GRAP2: variants seen among roughly 807,000 people sequenced by gnomAD.
GRAP2 encodes GRB2-related adapter protein 2.
A neutral mutation model predicts 43.5 loss-of-function variants in GRAP2; 31 were observed. The observed-to-expected ratio is 0.71, with a 90% CI of 0.54 to 0.96. The LOEUF (loss-of-function observed/expected upper bound fraction) is 0.96, where lower values mean the gene tolerates loss of function less well. Among genes scored for constraint, GRAP2 ranks in the 40% least tolerant of loss-of-function variants. GRAP2 has a pLI of 0.00. For synonymous variants in GRAP2, 156 were observed against 164.8 expected, an observed-to-expected ratio of 0.95 and a Z score of 0.41; for missense variants, 371 against 424.4, an observed-to-expected ratio of 0.87 and a Z score of 1.11.
intron 1 of GRAP2, among the ~76,000 whole-genome samples, chr22:39,905,091 A>G (rs2066514467): frequency 6.6e-6 from 1 of 152,030 alleles, no homozygotes; most frequent in Non-Finnish European, 1.5e-5. Flanking sequence ...TGCTCAGAGG[A>G]TCTCTTGTTG....
At chr22:39,964,522 A>T in intron 4 of GRAP2, 1 of 919,600 alleles carries the variant, frequency 1.1e-6, no homozygotes, top group Non-Finnish European at 1.8e-6. Flanking sequence ...GGTCGTGGGG[A>T]AGGGGCCTCT....
chr22:39,932,548 C>CA (rs137982), intron 1 of GRAP2, among the ~76,000 whole-genome samples: 3,136 of 43,378 alleles, frequency 0.072, 147 homozygotes, highest in African/African-American at 0.1. Context: ...CCTGTCTCTA[C>CA]AAAAAAAAAA....
In GRAP2 at chr22:39,947,140, T is replaced by G. The variant is rs1569207682; in HGVS notation, c.34T>G (p.Ser12Ala). 6.2e-7 allele frequency: 1 copy of G among 1,608,550 alleles called. No homozygotes were observed. Among genetic ancestry groups the G allele is most frequent in the Non-Finnish European group, 8.5e-7 (1 of 1,174,890 alleles). The change falls in exon 2 of 8, where the codon TCA becomes GCA. Residue 12 changes from serine (S) to alanine (A), a missense_variant. Physicochemically the swap from Ser to Ala is moderately conservative, Grantham distance 99. Transcript: ENST00000344138. ...TGTTGCCAAGTTTGATTTCACTGCT[T>G]CAGGTGAGGATGAACTGAGCTTTCA... Reference protein sequence around the residue: ...EAVAKFDFTASGEDELSFHTG... With the variant: ...EAVAKFDFTAAGEDELSFHTG...
At chr22:39,914,837 C>T (rs1291519785) in intron 1 of GRAP2, among the ~76,000 whole-genome samples, 1 of 152,104 alleles carries the variant, frequency 6.6e-6, no homozygotes, top group East Asian at 1.9e-4. Flanking sequence ...ATGAAATGAG[C>T]ATTTCTGCCT....
intron 1 of GRAP2, among the ~76,000 whole-genome samples, chr22:39,902,241 C>T (rs1277005349): frequency 6.6e-6 from 1 of 152,208 alleles, no homozygotes; most frequent in Non-Finnish European, 1.5e-5. Flanking sequence ...CTTCAGGTCG[C>T]AGAATCTTTT....
At chr22:39,908,469 T>C (rs1016208922) in intron 1 of GRAP2, among the ~76,000 whole-genome samples, 8 of 152,254 alleles carry the variant, frequency 5.3e-5, no homozygotes, top group African/African-American at 1.4e-4. Context: ...GGGAGTCATA[T>C]GGAAGTAAAT....
At position 39,971,025 on chromosome 22, in the gene GRAP2, C is replaced by T. The variant is rs147808667; in HGVS notation, c.934C>T (p.Arg312Cys). ...CTCCAACCCATCCTGGTGGACCGGC[C>T]GCCTGCACAACAAGCTGGGCCTCTT... The part of the protein sequence containing the change: ...DSSNPSWWTG[R>C]LHNKLGLFPA... The change falls in exon 8 of 8, where the codon CGC (arginine) becomes TGC (cysteine). Residue 312 changes from arginine (R) to cysteine (C), a missense_variant. By Grantham distance (180) the Arg-to-Cys change is radical. Transcript: ENST00000344138. The T allele has an allele frequency of 1.0e-4, 168 of 1,613,806 alleles. No homozygotes were observed. The highest frequency in any genetic ancestry group is 1.4e-4 in the South Asian group (13 of 91,042).
At chr22:39,941,488 T>C (rs2066870765) in intron 1 of GRAP2, among the ~76,000 whole-genome samples, 1 of 152,244 alleles carries the variant, frequency 6.6e-6, no homozygotes, top group Non-Finnish European at 1.5e-5. Flanking sequence ...TATAAATGTA[T>C]ATATCAGGGT....
chr22:39,955,378 A>T (rs75155677), intron 2 of GRAP2, among the ~76,000 whole-genome samples: 1 of 151,010 alleles, frequency 6.6e-6, no homozygotes, highest in African/African-American at 2.4e-5. Context: ...AAACAACAAC[A>T]AAAAAAAGAG....
chr22:39,963,634 C>A (rs1332285231), intron 4 of GRAP2, among the ~76,000 whole-genome samples: 1 of 152,106 alleles, frequency 6.6e-6, no homozygotes, highest in Non-Finnish European at 1.5e-5. Context: ...GTGGCTTCAC[C>A]CAGCTATGAG....
intron 2 of GRAP2, among the ~76,000 whole-genome samples, chr22:39,948,909 A>G (rs2066952632): frequency 6.6e-6 from 1 of 152,082 alleles, no homozygotes; most frequent in Non-Finnish European, 1.5e-5. Flanking sequence ...TGATCCTGAA[A>G]TATACACTTC....
intron 1 of GRAP2, among the ~76,000 whole-genome samples, chr22:39,922,516 C>A (rs543426108): frequency 1.5e-3 from 234 of 152,254 alleles, no homozygotes; most frequent in Non-Finnish European, 2.3e-3. Context: ...CAGCCAAGGC[C>A]AGGCTAGGAG....
the GRAP2 span, among the ~76,000 whole-genome samples, chr22:39,895,266 A>T: frequency 2.0e-5 from 3 of 152,208 alleles, no homozygotes; most frequent in East Asian, 5.8e-4. Context: ...GACAAAAGCA[A>T]CATTTGTTTC....
chr22:39,964,715 T>TAAA (rs386395435), intron 4 of GRAP2: 17,822 of 305,548 alleles, frequency 0.058, 1,290 homozygotes, highest in African/African-American at 0.24. Context: ...TAAACTTTTG[T>TAAA]AAAAAAAAAA....
intron 1 of GRAP2, among the ~76,000 whole-genome samples, chr22:39,916,959 T>C (rs890629067): frequency 6.6e-6 from 1 of 152,220 alleles, no homozygotes; most frequent in Non-Finnish European, 1.5e-5. Context: ...TATTATCTTT[T>C]AATTAAAATG....
intron 1 of GRAP2, among the ~76,000 whole-genome samples, chr22:39,907,521 G>A (rs2066531522): frequency 6.6e-6 from 1 of 152,314 alleles, no homozygotes; most frequent in South Asian, 2.1e-4. Flanking sequence ...AGGATTGCTT[G>A]AGCGCAGGAG....
chr22:39,897,668 C>A (rs750860855), upstream of GRAP2, among the ~76,000 whole-genome samples: 1 of 151,836 alleles, frequency 6.6e-6, no homozygotes, highest in African/African-American at 2.4e-5. Flanking sequence ...TACAGGCATG[C>A]GCCACCATGC....
chr22:39,945,169 G>A (rs760756358), intron 1 of GRAP2, among the ~76,000 whole-genome samples: 7 of 152,336 alleles, frequency 4.6e-5, no homozygotes, highest in South Asian at 2.1e-4. Context: ...ATTTGCCTTC[G>A]ATAGATGGAT....
chr22:39,960,151 A>C lies in GRAP2; in HGVS notation c.267A>C (p.Pro89=). ...FFIIRASQSS[P]GDFSISVRHE... is the part of the protein sequence containing the mutation. ...TCATCCGGGCCAGCCAGAGCTCCCCAGGGGACTTCTCCATCTCTGTCAGGT... is the reference window on the plus strand; with the variant it reads ...TCATCCGGGCCAGCCAGAGCTCCCCCGGGGACTTCTCCATCTCTGTCAGGT... Residue 89 remains proline, a synonymous_variant, in exon 4 of 8, where the codon CCA becomes CCC. Coordinates refer to ENST00000344138, the MANE Select transcript of GRAP2 (RefSeq NM_004810.4). The C allele has an allele frequency of 2.5e-6, 4 of 1,613,542 alleles. No individual in the cohort carries two copies. Among genetic ancestry groups the C allele is most frequent in the Non-Finnish European group, 3.4e-6 (4 of 1,179,430 alleles).
Sources: gnomAD v4.1 joint callset for allele counts (sites outside exome capture counted in the v4.1 genomes callset) on GRCh38, gnomAD v4.1.1 for gene constraint, MANE v1.5 for transcripts, NCBI Gene and HGNC (gene_info 2026-07-23, HGNC 2026-07-21) for gene names.